The following DCLK2 variants were observed in gnomAD, a reference collection of about 807,000 sequenced individuals.
The protein encoded by DCLK2 is serine/threonine-protein kinase DCLK2.
In DCLK2, 31 loss-of-function variants were observed where a neutral mutation model predicts 78.4. The ratio of observed to expected loss-of-function variants is 0.40; its 90% CI spans 0.30 to 0.53. The LOEUF (loss-of-function observed/expected upper bound fraction) is 0.53. Among genes scored for constraint, DCLK2 ranks in the 20% least tolerant of loss-of-function variants. The pLI is 0.61. For synonymous variants in DCLK2, 407 were observed against 374.9 expected, an observed-to-expected ratio of 1.09 and a Z score of -0.99; for missense variants, 872 against 973.7, an observed-to-expected ratio of 0.90 and a Z score of 1.39.
intron 2 of DCLK2, among the ~76,000 whole-genome samples, chr4:150,192,705 G>A (rs962821918): frequency 2.6e-5 from 4 of 152,002 alleles, no homozygotes; most frequent in African/African-American, 7.3e-5. Context: ...CCCAAGGCAC[G>A]GTAGCAGAGG....
At chr4:150,143,436 G>A (rs1734241815) in intron 2 of DCLK2, among the ~76,000 whole-genome samples, 1 of 152,236 alleles carries the variant, frequency 6.6e-6, no homozygotes, top group Admixed American at 6.5e-5. Flanking sequence ...GAGAGCCCAG[G>A]AGTTCCAGAC....
chr4:150,231,023 T>C (rs1004400670), intron 8 of DCLK2, among the ~76,000 whole-genome samples: 1 of 152,258 alleles, frequency 6.6e-6, no homozygotes, highest in Non-Finnish European at 1.5e-5. Context: ...TCTTATCTTT[T>C]TAAGGAATTA....
chr4:150,225,480 G>A (rs547407943), intron 8 of DCLK2, among the ~76,000 whole-genome samples: 5 of 152,246 alleles, frequency 3.3e-5, no homozygotes, highest in East Asian at 3.9e-4. Flanking sequence ...TTCCATTGTG[G>A]TAACACATCA....
intron 2 of DCLK2, among the ~76,000 whole-genome samples, chr4:150,103,899 A>G (rs1731053789): frequency 6.6e-6 from 1 of 152,168 alleles, no homozygotes; most frequent in Non-Finnish European, 1.5e-5. Context: ...GCCCCCAAAT[A>G]TGTGTGAATG....
At chr4:150,157,728 G>C (rs1457312162) in intron 2 of DCLK2, among the ~76,000 whole-genome samples, 1 of 152,074 alleles carries the variant, frequency 6.6e-6, no homozygotes, top group Non-Finnish European at 1.5e-5. Flanking sequence ...GGCCAGGCTG[G>C]TCTTGAACTT....
chr4:150,154,138 G>A (rs1356881230), intron 2 of DCLK2, among the ~76,000 whole-genome samples: 1 of 152,208 alleles, frequency 6.6e-6, no homozygotes, highest in Non-Finnish European at 1.5e-5. Flanking sequence ...TGGATGCTGA[G>A]TGACAAAAGC....
chr4:150,253,097 GTCCTCCTCATCCTCCTCATCCTCCTCA>G (rs56775129), intron 15 of DCLK2, among the ~76,000 whole-genome samples: 1 of 146,780 alleles, frequency 6.8e-6, no homozygotes, highest in South Asian at 2.1e-4. Flanking sequence ...CATCCTCCTC[GTCCTCCTCATCCTCCTCATCCTCCTCA>G]TCCTCCTCAC....
chr4:150,190,960 A>C (rs1738406408), intron 2 of DCLK2, among the ~76,000 whole-genome samples: 1 of 152,074 alleles, frequency 6.6e-6, no homozygotes, highest in Admixed American at 6.5e-5. Flanking sequence ...TATCTACATA[A>C]ATAAATAAAT....
intron 2 of DCLK2, among the ~76,000 whole-genome samples, chr4:150,126,654 CA>C (rs1179982065): frequency 6.6e-6 from 1 of 152,108 alleles, no homozygotes; most frequent in African/African-American, 2.4e-5. Context: ...TTTAGACTTA[CA>C]AAAATTGCAC....
chr4:150,187,668 C>T (rs1264211048), intron 2 of DCLK2, among the ~76,000 whole-genome samples: 2 of 152,110 alleles, frequency 1.3e-5, no homozygotes, highest in Non-Finnish European at 2.9e-5. Context: ...CCTGTAGCAC[C>T]TAGAATAGTG....
intron 2 of DCLK2, among the ~76,000 whole-genome samples, chr4:150,173,947 A>G (rs543193135): frequency 1.3e-5 from 2 of 152,206 alleles, no homozygotes; most frequent in Non-Finnish European, 2.9e-5. Flanking sequence ...CTGAACTCCT[A>G]TGAAGTCGAA....
At chr4:150,109,435 A>G (rs1476984407) in intron 2 of DCLK2, among the ~76,000 whole-genome samples, 3 of 151,784 alleles carry the variant, frequency 2.0e-5, no homozygotes, top group Non-Finnish European at 4.4e-5. Context: ...CCCTGGTTCA[A>G]GCGATTCTCC....
chr4:150,131,938 C>T (rs1229118985), intron 2 of DCLK2, among the ~76,000 whole-genome samples: 1 of 152,078 alleles, frequency 6.6e-6, no homozygotes, highest in Non-Finnish European at 1.5e-5. Flanking sequence ...AATGCAGACC[C>T]CTTGTTCAGG....
chr4:150,181,746 G>A (rs1737543065), intron 2 of DCLK2, among the ~76,000 whole-genome samples: 2 of 152,044 alleles, frequency 1.3e-5, no homozygotes, highest in South Asian at 4.1e-4. Flanking sequence ...CATGGTCCCT[G>A]AGTGCCTGGC....
intron 1 of DCLK2, among the ~76,000 whole-genome samples, chr4:150,094,144 A>G (rs2150142907): frequency 6.6e-6 from 1 of 152,372 alleles, no homozygotes; most frequent in Non-Finnish European, 1.5e-5. Context: ...TAGTCTTGGC[A>G]ATGATTTCTC....
intron 5 of DCLK2, among the ~76,000 whole-genome samples, chr4:150,216,658 A>G (rs573462318): frequency 1.5e-4 from 23 of 152,222 alleles, no homozygotes; most frequent in Non-Finnish European, 2.9e-4. Flanking sequence ...AGTTATTAGC[A>G]GAAGAGGATT....
At chr4:150,126,223 A>G (rs1366442231) in intron 2 of DCLK2, among the ~76,000 whole-genome samples, 1 of 152,234 alleles carries the variant, frequency 6.6e-6, no homozygotes, top group African/African-American at 2.4e-5. Flanking sequence ...TGGCTAATGA[A>G]TAATTAATTC....
At chr4:150,184,086 A>G (rs547521033) in intron 2 of DCLK2, among the ~76,000 whole-genome samples, 133 of 152,346 alleles carry the variant, frequency 8.7e-4, no homozygotes, top group African/African-American at 2.3e-3. Flanking sequence ...AGCAAAGCCT[A>G]TATGCTAGGT....
chr4:150,205,317 C>T (rs1457976688), intron 5 of DCLK2, among the ~76,000 whole-genome samples: 5 of 152,052 alleles, frequency 3.3e-5, no homozygotes, highest in Non-Finnish European at 1.5e-5. Context: ...TGTTGTATGT[C>T]CTTCAGAGTA....
Sources: gnomAD v4.1 joint callset for allele counts (sites outside exome capture counted in the v4.1 genomes callset) on GRCh38, gnomAD v4.1.1 for gene constraint, MANE v1.5 for transcripts, NCBI Gene and HGNC (gene_info 2026-07-23, HGNC 2026-07-21) for gene names.